Variants in PEX5 observed in about 807,000 individuals in gnomAD.
PEX5 encodes PTS1 receptor.
Under a neutral mutation model 82.9 loss-of-function variants are expected in PEX5, and 52 were observed. The observed-to-expected ratio is 0.63, with a 90% confidence interval of 0.50 to 0.79. PEX5 has a LOEUF of 0.79. PEX5 is among the 30% of genes least tolerant of loss of function. The probability of loss-of-function intolerance (pLI) is 0.00; values close to 1 mark genes in which losing one functional copy is unlikely to be tolerated. For synonymous variants in PEX5, 300 were observed against 318.8 expected (o/e 0.94, Z 0.63); for missense variants, 719 against 815.2 (o/e 0.88, Z 1.44).
At chr12:7,204,293 T>G (rs1337160484) in intron 10 of PEX5, among the ~76,000 whole-genome samples, 6 of 152,156 alleles carry the variant, frequency 3.9e-5, no homozygotes, top group Non-Finnish European at 8.8e-5. Flanking sequence ...TAGTGATGTC[T>G]TTTTCTCAGT....
At position 7,206,556 on chromosome 12, in the gene PEX5, TC is replaced by T. The variant is rs200812036; in HGVS notation, c.967-1102del. 2.2e-4 allele frequency among the ~76,000 whole-genome samples: 31 copies of T among 141,760 alleles called. No individual in the cohort carries two copies. In the East Asian group the frequency reaches 5.9e-3, roughly 27 times the overall value. 93.0% of individuals were successfully genotyped at this position (141,760 alleles called of 152,430 possible). On this transcript the variant is annotated intron_variant, in intron 10 of 15. Coordinates refer to ENST00000675855, the MANE Select transcript of PEX5 (RefSeq NM_001351132.2). Reference sequence around the variant, plus strand: ...ACTTGTTTTCAATATAAATATACTTTCTATACATTTATCTCAAATCTACTAT... The same window carrying T: ...ACTTGTTTTCAATATAAATATACTTTTATACATTTATCTCAAATCTACTAT...
chr12:7,215,725 C>T (rs1945758398), downstream of PEX5, among the ~76,000 whole-genome samples: 1 of 152,052 alleles, frequency 6.6e-6, no homozygotes, highest in Non-Finnish European at 1.5e-5. Flanking sequence ...GAACGGCAGA[C>T]ACTGCAGACT....
chr12:7,209,162 C>A lies in PEX5; in HGVS notation c.1552C>A (p.Arg518Ser), dbSNP rs182028506. Residue 518 changes from arginine to serine, a missense_variant, in exon 14 of 16, where the codon CGT (arginine) becomes AGT (serine). Physicochemically the swap from Arg to Ser is moderately radical, Grantham distance 110 (BLOSUM62 -1). Coordinates refer to ENST00000675855, the MANE Select transcript of PEX5 (RefSeq NM_001351132.2). ...VDCFTAALSV[R>S]PNDYLLWNKL... ...CTGCTTCACAGCTGCCCTCAGCGTT[C>A]GTCCCAATGTGAGCCCAGGGGAGGA... 2 of 1,613,558 alleles carry A rather than the reference C, an allele frequency of 1.2e-6. No homozygotes were observed. Among genetic ancestry groups the A allele is most frequent in the African/African-American group, 1.3e-5 (1 of 74,796 alleles).
Position 7,202,317 on chromosome 12 carries a change from C to A in PEX5, c.719C>A (p.Ala240Glu). The A allele has an allele frequency of 6.2e-7, 1 of 1,614,092 alleles. No homozygotes were observed. The highest frequency in any genetic ancestry group is 8.5e-7 in the Non-Finnish European group (1 of 1,180,024). Residue 240 changes from alanine to glutamate, a missense_variant, in exon 8 of 16, where the codon GCA (alanine) becomes GAA (glutamate). Transcript: ENST00000675855. ...GGTGCAGGGTCGGGCCGAGCTCAGG[C>A]AGAACAGTGGGCAGCAGAGTTTATA... is the stretch of plus-strand genomic sequence containing the variant. ...ESGAGSGRAQ[A>E]EQWAAEFIQQ...
Position 7,199,868 on chromosome 12 carries a change from GCCGGGCAGGGGGCTGA to G in PEX5, c.551+758_551+773del, listed in dbSNP as rs1405708442. On this transcript the variant is annotated intron_variant, in intron 6 of 15. Coordinates refer to ENST00000675855, the MANE Select transcript of PEX5 (RefSeq NM_001351132.2). ...ACCTCCCTCCCGGACGGGGCGGCTG[GCCGGGCAGGGGGCTGA>G]CCCCCACCTCCCTCCCGGACGGGGC... is the stretch of plus-strand genomic sequence containing the variant. Among the ~76,000 whole-genome samples, 251 of 76,060 alleles carry G rather than the reference GCCGGGCAGGGGGCTGA, an allele frequency of 3.3e-3. 8 individuals carry two copies. Among genetic ancestry groups the G allele is most frequent in the African/African-American group, 9.5e-3 (229 of 24,168 alleles). 49.9% of individuals were successfully genotyped at this position (76,060 alleles called of 152,430 possible). A position where few individuals can be genotyped will look rare whatever the true frequency, so the allele number is the denominator to read the frequency against.
rs768846859 is a variant in PEX5 at position 7,201,718 on chromosome 12, C to T, written c.552-33C>T. 2.6e-5 allele frequency: 38 copies of T among 1,462,482 alleles called. No homozygotes were observed. The Admixed American group carries it at 6.4e-4, about 24-fold the overall frequency. 90.6% of individuals were successfully genotyped at this position (1,462,482 alleles called of 1,614,324 possible). On this transcript the variant is annotated intron_variant, in intron 6 of 15. Transcript: ENST00000675855. The stretch of plus-strand genomic sequence containing the variant: ...GTAGCATGGGGAGGGTGATGGCAGA[C>T]TAATGTGTAAAATTAGTTCTTACCC...
At chr12:7,190,855 G>A in intron 2 of PEX5, 33 bp from the exon 3 acceptor site, 3 of 1,606,924 alleles carry the variant, frequency 1.9e-6, no homozygotes, top group Non-Finnish European at 2.6e-6. Context: ...TAGAGGAACT[G>A]CGTCATTGTA....
chr12:7,207,990 A>AAT lies in PEX5; in HGVS notation c.1111-20_1111-19insAT. On this transcript the variant is annotated intron_variant, in intron 11 of 15. Coordinates refer to ENST00000675855, the MANE Select transcript of PEX5 (RefSeq NM_001351132.2). ...GGAGAGGTGAATATGGGGTGATGGA[A>AAT]TCTGTCAACTTCCCTCTAGGCTTGG... 1.9e-6 allele frequency: 3 copies of AAT among 1,604,974 alleles called. No individual in the cohort carries two copies. The highest frequency in any genetic ancestry group is 2.6e-6 in the Non-Finnish European group (3 of 1,171,684).
chr12:7,203,326 A>T, intron 9 of PEX5, 106 bp from the exon 10 acceptor site: 1 of 1,279,602 alleles, frequency 7.8e-7, no homozygotes, highest in Non-Finnish European at 1.1e-6. Context: ...TCTTAAACAT[A>T]TTGAAATTCA....
chr12:7,215,967 A>T (rs981649423), downstream of PEX5, among the ~76,000 whole-genome samples: 5 of 146,314 alleles, frequency 3.4e-5, no homozygotes, highest in African/African-American at 5.5e-5. Context: ...TAATTAAATT[A>T]AAAAAAAATT....
intron 5 of PEX5, among the ~76,000 whole-genome samples, chr12:7,197,157 T>A (rs759930836): frequency 9.1e-6 from 1 of 110,384 alleles, no homozygotes; most frequent in African/African-American, 3.6e-5. Flanking sequence ...ATTATATATG[T>A]CATATATAAT....
intron 17 of PEX5, among the ~76,000 whole-genome samples, chr12:7,216,972 A>T (rs922250479): frequency 2.6e-5 from 4 of 151,998 alleles, no homozygotes; most frequent in Non-Finnish European, 4.4e-5. Flanking sequence ...ATACGTGTTT[A>T]TTTTTTTTCT....
chr12:7,207,571 C>G (rs1327281834), intron 10 of PEX5, 88 bp from the exon 11 acceptor site: 10 of 1,370,626 alleles, frequency 7.3e-6, no homozygotes, highest in Non-Finnish European at 1.0e-6. Context: ...AGGCCCTCAG[C>G]TTCTCTGCCT....
At chr12:7,201,904 T>C in intron 7 of PEX5, 63 bp downstream of exon 7, 3 of 1,176,660 alleles carry the variant, frequency 2.5e-6, no homozygotes, top group South Asian at 2.4e-5. Flanking sequence ...AGAATCTTGC[T>C]TTTCTTACCC....
At chr12:7,205,863 G>A (rs776225869) in intron 10 of PEX5, among the ~76,000 whole-genome samples, 3 of 152,154 alleles carry the variant, frequency 2.0e-5, no homozygotes, top group South Asian at 2.1e-4. Flanking sequence ...AAGAGCATTC[G>A]CATCACTTCT....
At chr12:7,213,324 A>G (rs1342304541), downstream of PEX5, among the ~76,000 whole-genome samples, 1 of 152,122 alleles carries the variant, frequency 6.6e-6, no homozygotes, top group Non-Finnish European at 1.5e-5. Context: ...TGACTTCTTC[A>G]AACTATACTA....
At chr12:7,203,351 A>C in intron 9 of PEX5, 81 bp from the exon 10 acceptor site, 8 of 1,475,016 alleles carry the variant, frequency 5.4e-6, no homozygotes, top group Non-Finnish European at 7.3e-6. Context: ...CTGCTGCCTT[A>C]GAGAATCCCA....
chr12:7,217,135 T>G (rs574620138), intron 17 of PEX5, among the ~76,000 whole-genome samples: 67 of 152,234 alleles, frequency 4.4e-4, no homozygotes, highest in Non-Finnish European at 7.1e-4. Context: ...ACATATTTAG[T>G]AGATTTGGGC....
rs1439543112 is a variant in PEX5, at chr12:7,208,684, T to C, written c.1394+15T>C. The stretch of plus-strand genomic sequence containing the variant: ...CTCTTGTCTGAGTGAGTATGAGGGG[T>C]TCCTAGGATGAGGAATTACAGTAAC... On this transcript the variant is annotated intron_variant, in intron 13 of 15. Coordinates refer to ENST00000675855, the MANE Select transcript of PEX5 (RefSeq NM_001351132.2). 11 of 1,597,400 alleles carry C rather than the reference T, an allele frequency of 6.9e-6. No homozygotes were observed. The South Asian group carries it at 1.1e-4, about 16-fold the overall frequency.
Sources: gnomAD v4.1 joint callset for allele counts (sites outside exome capture counted in the v4.1 genomes callset) on GRCh38, gnomAD v4.1.1 for gene constraint, MANE v1.5 for transcripts, NCBI Gene and HGNC (gene_info 2026-07-23, HGNC 2026-07-21) for gene names.